Variants in PDIA6 observed in about 807,000 individuals in gnomAD.
PDIA6 encodes protein disulfide isomerase family A member 6.
Under a neutral mutation model 58.4 loss-of-function variants are expected in PDIA6, and 29 were observed. The ratio of observed to expected loss-of-function variants is 0.50; its 90% CI spans 0.37 to 0.68. PDIA6 has a LOEUF of 0.68. Among genes scored for constraint, PDIA6 ranks in the 30% least tolerant of loss-of-function variants. The pLI, the probability that PDIA6 is intolerant of heterozygous loss-of-function variation, is 0.00. For missense variants in PDIA6, 480 were observed against 551.0 expected, an observed-to-expected ratio of 0.87 and a Z score of 1.29; for synonymous variants, 192 against 202.6, an observed-to-expected ratio of 0.95 and a Z score of 0.44.
At chr2:10,809,781 G>A (rs1666928019) in intron 1 of PDIA6, among the ~76,000 whole-genome samples, 1 of 150,348 alleles carries the variant, frequency 6.7e-6, no homozygotes, top group African/African-American at 2.4e-5. Flanking sequence ...TGAGCCTATT[G>A]TGAAATTTTC....
chr2:10,801,140 G>A (rs560016870), intron 2 of PDIA6, among the ~76,000 whole-genome samples: 4 of 151,130 alleles, frequency 2.6e-5, no homozygotes, highest in Middle Eastern at 3.4e-3. Context: ...TTAGCAGGGC[G>A]TGGTGGTACA....
At chr2:10,812,861 C>A, upstream of PDIA6, 1 of 1,160,826 alleles carries the variant, frequency 8.6e-7, no homozygotes, top group East Asian at 4.1e-5. Context: ...GCCGTGGCTG[C>A]GGCTCATTGG....
rs1273382721 is a variant in PDIA6, at chr2:10,812,740, T to C, written c.-44A>G. 1 of 1,477,056 alleles carries C rather than the reference T, an allele frequency of 6.8e-7. No individual in the cohort carries two copies. The highest frequency in any genetic ancestry group is 9.0e-7 in the Non-Finnish European group (1 of 1,114,970). 91.5% of individuals were successfully genotyped at this position (1,477,056 alleles called of 1,614,324 possible). A position where few individuals can be genotyped will look rare whatever the true frequency, so the allele number is the denominator to read the frequency against. ...TGCAGTCCCCACCGCCGCCGCCGCT[T>C]CAGCCCTGCAGCGTGCCGCACGCCG... On this transcript the variant is annotated 5_prime_UTR_variant, in exon 1 of 13. Coordinates refer to ENST00000272227, the MANE Select transcript of PDIA6 (RefSeq NM_005742.4).
chr2:10,829,625 T>C (rs1047363999), intron 1 of PDIA6, among the ~76,000 whole-genome samples: 1 of 152,228 alleles, frequency 6.6e-6, no homozygotes. Flanking sequence ...CTAAGTGGCA[T>C]GTTCTCCTCT....
intron 11 of PDIA6, among the ~76,000 whole-genome samples, chr2:10,786,520 GCA>G (rs201693668): frequency 8.0e-6 from 1 of 124,804 alleles, no homozygotes; most frequent in African/African-American, 5.5e-5. Flanking sequence ...TCTCCACACA[GCA>G]CACACACACG....
chr2:10,796,101 G>A (rs911511596), intron 4 of PDIA6, among the ~76,000 whole-genome samples: 12 of 143,610 alleles, frequency 8.4e-5, no homozygotes, highest in Non-Finnish European at 1.6e-4. Context: ...TCGCTCTGTC[G>A]CCTAGGCTGG....
intron 12 of PDIA6, 159 bp downstream of exon 12, chr2:10,784,771 TAAGG>T (rs943199817): frequency 4.6e-5 from 27 of 584,034 alleles, no homozygotes; most frequent in African/African-American, 4.5e-4. Flanking sequence ...AAACTTGTGA[TAAGG>T]AAGATGAAGG....
At chr2:10,832,557 G>A (rs1357297789), upstream of PDIA6, 3 of 372,700 alleles carry the variant, frequency 8.0e-6, no homozygotes, top group African/African-American at 4.4e-5. Context: ...GGGGATGCGT[G>A]TGGGATTTGA....
chr2:10,836,401 C>T (rs938960982), upstream of PDIA6, among the ~76,000 whole-genome samples: 7 of 151,992 alleles, frequency 4.6e-5, no homozygotes, highest in Admixed American at 1.3e-4. Flanking sequence ...TTTTTAGAGA[C>T]GGAGTCTCAC....
chr2:10,836,200 A>G (rs1287153017), upstream of PDIA6, among the ~76,000 whole-genome samples: 2 of 152,118 alleles, frequency 1.3e-5, no homozygotes, highest in Non-Finnish European at 2.9e-5. Context: ...TTTCCCATGT[A>G]AGAAATACAA....
rs1203829060 is a variant in PDIA6, at chr2:10,829,232, T to A, written c.-48+2970A>T. On this transcript the variant is annotated intron_variant, in intron 1 of 13. Transcript: ENST00000381611. The stretch of plus-strand genomic sequence containing the variant: ...CTGTTTGTTCCCCTGATGTCCTCTC[T>A]CCCAGGGTCTCTTTTGGGCCACTCA... Among the ~76,000 whole-genome samples, 57 of 152,158 alleles carry A rather than the reference T, an allele frequency of 3.7e-4. 1 individual carries two copies. Among genetic ancestry groups the A allele is most frequent in the Non-Finnish European group, 1.5e-5 (1 of 68,028 alleles).
intron 1 of PDIA6, among the ~76,000 whole-genome samples, chr2:10,820,358 G>A (rs1010010227): frequency 6.6e-6 from 1 of 152,140 alleles, no homozygotes; most frequent in Non-Finnish European, 1.5e-5. Flanking sequence ...GTACATTTCT[G>A]GCAACCCCCA....
At chr2:10,837,406 G>A (rs754144127), upstream of PDIA6, 2 of 619,512 alleles carry the variant, frequency 3.2e-6, no homozygotes, top group Non-Finnish European at 5.8e-6. Context: ...AAAAACATAC[G>A]TGAGGAAATC....
chr2:10,795,869 A>G (rs1041209517), intron 4 of PDIA6, among the ~76,000 whole-genome samples: 2 of 152,160 alleles, frequency 1.3e-5, no homozygotes, highest in Non-Finnish European at 2.9e-5. Flanking sequence ...TACTGCTCAC[A>G]TAAAGCAAAA....
At chr2:10,789,125 G>C in intron 8 of PDIA6, 144 bp from the exon 9 acceptor site, 1 of 659,538 alleles carries the variant, frequency 1.5e-6, no homozygotes, top group Non-Finnish European at 2.8e-6. Flanking sequence ...AACACCTGGA[G>C]GCATGTTCTC....
At chr2:10,830,466 T>A (rs1241912448) in intron 1 of PDIA6, among the ~76,000 whole-genome samples, 2 of 152,178 alleles carry the variant, frequency 1.3e-5, no homozygotes, top group Non-Finnish European at 2.9e-5. Flanking sequence ...CAGGAGTGCG[T>A]CTGCAGGGAC....
rs199973410 is a variant in PDIA6, at chr2:10,820,832, C to G, written c.-47-1478G>C. On this transcript the variant is annotated intron_variant, in intron 1 of 13. Transcript: ENST00000381611. The stretch of plus-strand genomic sequence containing the variant: ...CAACTGGGGCCAGTGGTCGGCACAC[C>G]CACACAAGCTTCTCCCGGAGGTCTC... 6 of 702,832 alleles carry G rather than the reference C, an allele frequency of 8.5e-6. No individual in the cohort carries two copies. In the East Asian group the frequency reaches 1.6e-4, roughly 19 times the overall value. 43.5% of individuals were successfully genotyped at this position (702,832 alleles called of 1,614,324 possible). A position where few individuals can be genotyped will look rare whatever the true frequency, so the allele number is the denominator to read the frequency against.
intron 12 of PDIA6, 50 bp downstream of exon 12, chr2:10,784,884 G>T: frequency 7.6e-7 from 1 of 1,319,772 alleles, no homozygotes; most frequent in Non-Finnish European, 1.1e-6. Context: ...ACAGGCTCAA[G>T]AGAGTAAACC....
At chr2:10,819,335 G>T (rs72779452) in exon 2 of PDIA6, 200,888 of 1,485,744 alleles carry the variant, frequency 0.14, 16,871 homozygotes, top group Middle Eastern at 0.17. Flanking sequence ...ATAGGGAGTG[G>T]GCAGGAGAAG....
Sources: allele counts gnomAD v4.1 joint callset (sites outside exome capture counted in the v4.1 genomes callset), GRCh38; gene constraint gnomAD v4.1.1; transcripts MANE v1.5; gene names NCBI Gene and HGNC (gene_info 2026-07-23, HGNC 2026-07-21).